TYW1: variants seen among roughly 807,000 people sequenced by gnomAD.
The protein encoded by TYW1 is tRNA-yW synthesizing protein 1 homolog.
In TYW1, 46 loss-of-function variants were observed where a neutral mutation model predicts 96.2. That is an observed-to-expected ratio of 0.48 (90% CI 0.38 to 0.61). The LOEUF (loss-of-function observed/expected upper bound fraction) is 0.61, where lower values mean the gene tolerates loss of function less well. Among genes scored for constraint, TYW1 ranks in the 20% least tolerant of loss-of-function variants. The probability of loss-of-function intolerance (pLI) is 0.00; values close to 1 mark genes in which losing one functional copy is unlikely to be tolerated. For missense variants in TYW1, 684 were observed against 909.6 expected (o/e 0.75, Z 3.19); for synonymous variants, 274 against 323.0 (o/e 0.85, Z 1.63).
intron 14 of TYW1, among the ~76,000 whole-genome samples, chr7:67,193,241 A>C (rs1800278220): frequency 6.6e-6 from 1 of 152,176 alleles, no homozygotes; most frequent in African/African-American, 2.4e-5. Context: ...CGTTTAATGA[A>C]TTCTCTAAAT....
intron 10 of TYW1, among the ~76,000 whole-genome samples, chr7:67,068,941 T>C (rs1228873210): frequency 6.6e-6 from 1 of 152,236 alleles, no homozygotes; most frequent in African/African-American, 2.4e-5. Flanking sequence ...CTGTATCCAT[T>C]TGCTTATCTA....
chr7:67,161,590 T>G (rs1288255666), intron 13 of TYW1, among the ~76,000 whole-genome samples: 2 of 152,222 alleles, frequency 1.3e-5, no homozygotes, highest in Admixed American at 6.5e-5. Context: ...TAACCAGCTT[T>G]ATTTGATTTT....
intron 11 of TYW1, among the ~76,000 whole-genome samples, chr7:67,087,305 T>C (rs1234880057): frequency 2.6e-5 from 4 of 152,158 alleles, no homozygotes; most frequent in Admixed American, 6.5e-5. Flanking sequence ...ATAGTGACCT[T>C]AGGCTTAACG....
At chr7:67,114,739 C>T (rs570565903) in intron 12 of TYW1, among the ~76,000 whole-genome samples, 2 of 152,286 alleles carry the variant, frequency 1.3e-5, no homozygotes, top group African/African-American at 4.8e-5. Flanking sequence ...CTACTGGGAG[C>T]CTCATTATCT....
At chr7:67,090,261 A>T (rs1796673229) in intron 11 of TYW1, among the ~76,000 whole-genome samples, 3 of 152,186 alleles carry the variant, frequency 2.0e-5, no homozygotes, top group Admixed American at 6.5e-5. Context: ...TCAAACAGGT[A>T]TTATTTATGA....
In TYW1 at chr7:67,029,415, G is replaced by GTGTGTGTATATA. The variant is rs1241213574; in HGVS notation, c.984+4394_984+4395insGTGTGTATATAT. Reference sequence around the variant, plus strand: ...TGTGTGTGTGTGTGTGTGTGTGTGTGTATATATATATATATATAAATAGTA... The same window carrying GTGTGTGTATATA: ...TGTGTGTGTGTGTGTGTGTGTGTGTGTGTGTGTATATATATATATATATATATATAAATAGTA... On this transcript the variant is annotated intron_variant, in intron 7 of 15. Transcript: ENST00000359626. Among the ~76,000 whole-genome samples, 38 of 94,346 alleles carry GTGTGTGTATATA rather than the reference G, an allele frequency of 4.0e-4. No homozygotes were observed. In the South Asian group the frequency reaches 5.3e-3, roughly 13 times the overall value. 61.9% of individuals were successfully genotyped at this position (94,346 alleles called of 152,430 possible).
intron 15 of TYW1, among the ~76,000 whole-genome samples, chr7:67,213,189 A>G (rs1188331809): frequency 6.6e-6 from 1 of 150,926 alleles, no homozygotes; most frequent in African/African-American, 2.4e-5. Flanking sequence ...TTTTTAAGAG[A>G]CAAGGTCTCA....
intron 14 of TYW1, among the ~76,000 whole-genome samples, chr7:67,194,630 G>A (rs1584680829): frequency 6.6e-6 from 1 of 150,464 alleles, no homozygotes; most frequent in Non-Finnish European, 1.5e-5. Flanking sequence ...ACTCAAAAAT[G>A]ATAATAATAA....
chr7:67,220,482 C>G (rs948333888), intron 15 of TYW1, among the ~76,000 whole-genome samples: 1 of 151,892 alleles, frequency 6.6e-6, no homozygotes, highest in African/African-American at 2.4e-5. Context: ...GGATTACAGG[C>G]CTAAGCCACC....
At chr7:67,058,637 G>GT (rs900765881) in intron 9 of TYW1, among the ~76,000 whole-genome samples, 71 of 148,116 alleles carry the variant, frequency 4.8e-4, no homozygotes, top group East Asian at 3.2e-3. Context: ...CCTGGCAAAA[G>GT]TTTTTTTTTT....
chr7:67,113,539 T>A (rs1797493509), intron 12 of TYW1, among the ~76,000 whole-genome samples: 2 of 152,216 alleles, frequency 1.3e-5, no homozygotes, highest in Non-Finnish European at 2.9e-5. Context: ...GATTTTGCCA[T>A]CATGGTGCAG....
intron 9 of TYW1, among the ~76,000 whole-genome samples, chr7:67,065,947 G>T (rs1795847456): frequency 6.6e-6 from 1 of 151,632 alleles, no homozygotes; most frequent in African/African-American, 2.4e-5. Context: ...GAGGCGGAGG[G>T]TGCAGTGAGT....
At chr7:67,112,926 C>G (rs1345162104) in intron 12 of TYW1, among the ~76,000 whole-genome samples, 3 of 152,290 alleles carry the variant, frequency 2.0e-5, no homozygotes, top group African/African-American at 4.8e-5. Context: ...TAAGCCAAAC[C>G]TAACCCTGGC....
intron 3 of TYW1, among the ~76,000 whole-genome samples, chr7:67,008,495 T>A (rs1266258437): frequency 6.6e-6 from 1 of 152,136 alleles, no homozygotes; most frequent in African/African-American, 2.4e-5. Context: ...GCCATCTCAT[T>A]AGCGTACAAA....
At chr7:67,001,462 G>T (rs964648783) in intron 3 of TYW1, among the ~76,000 whole-genome samples, 1 of 150,696 alleles carries the variant, frequency 6.6e-6, no homozygotes, top group Non-Finnish European at 1.5e-5. Context: ...TCGCTGTGTC[G>T]CCAGGCTGGA....
At chr7:67,092,176 T>C (rs955297180) in intron 11 of TYW1, among the ~76,000 whole-genome samples, 2 of 152,118 alleles carry the variant, frequency 1.3e-5, no homozygotes, top group Admixed American at 6.5e-5. Context: ...ATCCAATCCA[T>C]TTGAAAATCC....
At chr7:67,208,703 A>ACC (rs1800897084) in intron 15 of TYW1, among the ~76,000 whole-genome samples, 1 of 151,874 alleles carries the variant, frequency 6.6e-6, no homozygotes, top group Non-Finnish European at 1.5e-5. Flanking sequence ...AAAAAAAAAA[A>ACC]AAAAAACCAC....
intron 13 of TYW1, among the ~76,000 whole-genome samples, chr7:67,157,088 T>C (rs1799002745): frequency 1.3e-5 from 2 of 152,126 alleles, no homozygotes; most frequent in African/African-American, 4.8e-5. Flanking sequence ...GGTCCTTCTT[T>C]GTGGAGGAGG....
chr7:67,175,516 C>T (rs1319537026), intron 13 of TYW1, among the ~76,000 whole-genome samples: 2 of 152,006 alleles, frequency 1.3e-5, no homozygotes, highest in Non-Finnish European at 2.9e-5. Flanking sequence ...AAGACAAAAG[C>T]GATTTTTACT....
Sources: gnomAD v4.1 joint callset for allele counts (sites outside exome capture counted in the v4.1 genomes callset) on GRCh38, gnomAD v4.1.1 for gene constraint, MANE v1.5 for transcripts, NCBI Gene and HGNC (gene_info 2026-07-23, HGNC 2026-07-21) for gene names.